The following NXPH1 variants were observed in gnomAD, a reference collection of about 807,000 sequenced individuals.
NXPH1 encodes neurexophilin 1, also known as neurexophilin-1.
In NXPH1, 5 loss-of-function variants were observed where a neutral mutation model predicts 23.7. The observed-to-expected ratio is 0.21, with a 90% CI of 0.11 to 0.44. The LOEUF is 0.44. Ranked by LOEUF, NXPH1 falls within the 20% of genes least tolerant of loss-of-function variation. The pLI is 0.99. For missense variants in NXPH1, 324 were observed against 321.6 expected (o/e 1.01, Z -0.06); for synonymous variants, 144 against 122.2 (o/e 1.18, Z -1.18).
chr7:8,660,185 C>T lies in NXPH1; in HGVS notation c.55-90823C>T, dbSNP rs75924597. ...TTATATAAATTATTTCGTTTTAATT[C>T]TTAAAATTACACTGCCAGATAGGCA... On this transcript the variant is annotated intron_variant, in intron 2 of 2. Coordinates refer to ENST00000405863, the MANE Select transcript of NXPH1 (RefSeq NM_152745.3). Among the ~76,000 whole-genome samples the T allele has an allele frequency of 3.2e-4, 48 of 152,204 alleles. 1 individual carries two copies. The East Asian group carries it at 8.9e-3, about 28-fold the overall frequency.
At chr7:8,672,139 A>G (rs1210618025) in intron 2 of NXPH1, among the ~76,000 whole-genome samples, 5 of 152,192 alleles carry the variant, frequency 3.3e-5, no homozygotes, top group African/African-American at 4.8e-5. Context: ...ATGGAATACT[A>G]TGCAGCCATA....
Position 8,751,367 on chromosome 7 carries a change from T to C in NXPH1, c.414T>C (p.Thr138=). 6.2e-7 allele frequency: 1 copy of C among 1,613,932 alleles called. No individual in the cohort carries two copies. The highest frequency in any genetic ancestry group is 8.5e-7 in the Non-Finnish European group (1 of 1,179,852). The change falls in exon 3 of 3, where the codon ACT becomes ACC. Residue 138 remains threonine (T), a synonymous_variant. Transcript: ENST00000405863. The surrounding 1 kb of genome is among the most constrained non-coding windows in gnomAD (Gnocchi z 4.5). ...IKTVKLNLLI[T]GKIVDHGNGT... ...CAGTGAAGCTGAACCTGTTGATAAC[T>C]GGGAAAATTGTAGATCATGGCAATG... is the stretch of plus-strand genomic sequence containing the variant.
chr7:8,436,348 A>G (rs1041836883), intron 2 of NXPH1, among the ~76,000 whole-genome samples: 3 of 152,282 alleles, frequency 2.0e-5, no homozygotes, highest in East Asian at 3.9e-4. Context: ...AAACATGTCC[A>G]CCTTCCTCTC....
chr7:8,473,299 G>A (rs894520058), intron 2 of NXPH1, among the ~76,000 whole-genome samples: 14 of 152,124 alleles, frequency 9.2e-5, no homozygotes, highest in African/African-American at 3.4e-4. Context: ...ATCTAAGTTA[G>A]TTGTTTCAAT....
chr7:8,722,520 G>A (rs531063797), intron 2 of NXPH1, among the ~76,000 whole-genome samples: 1 of 152,184 alleles, frequency 6.6e-6, no homozygotes, highest in Non-Finnish European at 1.5e-5. Context: ...AAGAGACCCC[G>A]AGGTGTAATT....
chr7:8,607,185 T>G (rs1259897550), intron 2 of NXPH1, among the ~76,000 whole-genome samples: 1 of 152,148 alleles, frequency 6.6e-6, no homozygotes, highest in African/African-American at 2.4e-5. Context: ...TGGAACATTT[T>G]AAATTTAGTA....
chr7:8,559,580 C>T (rs2128620551), intron 2 of NXPH1, among the ~76,000 whole-genome samples: 1 of 151,800 alleles, frequency 6.6e-6, no homozygotes, highest in East Asian at 2.0e-4. Context: ...TTCCCTAAAA[C>T]TTTCAGCGCT....
chr7:8,750,859 C>T, intron 2 of NXPH1, 149 bp from the exon 3 acceptor site: 1 of 702,994 alleles, frequency 1.4e-6, no homozygotes, highest in South Asian at 2.1e-5. Flanking sequence ...GGGCTTAGAT[C>T]TCTGCTTTGG....
chr7:8,618,211 C>A (rs1181229883), intron 2 of NXPH1, among the ~76,000 whole-genome samples: 1 of 152,050 alleles, frequency 6.6e-6, no homozygotes, highest in African/African-American at 2.4e-5. Context: ...ACTTTATGAT[C>A]TGGGCATTTT....
chr7:8,543,280 G>T (rs1818146411), intron 2 of NXPH1, among the ~76,000 whole-genome samples: 1 of 151,376 alleles, frequency 6.6e-6, no homozygotes, highest in African/African-American at 2.4e-5. Flanking sequence ...CTTCCATTTT[G>T]CTTTCCAAAC....
intron 2 of NXPH1, among the ~76,000 whole-genome samples, chr7:8,530,236 C>T (rs1236968213): frequency 1.3e-5 from 2 of 152,070 alleles, no homozygotes; most frequent in South Asian, 2.1e-4. Flanking sequence ...AGACAAACTG[C>T]CCTCAAATAT....
chr7:8,662,076 G>C (rs1241408285), intron 2 of NXPH1, among the ~76,000 whole-genome samples: 1 of 151,750 alleles, frequency 6.6e-6, no homozygotes, highest in Non-Finnish European at 1.5e-5. Context: ...CCAAAAAGTT[G>C]CTCAGGAGCT....
At chr7:8,658,226 T>A (rs114287866) in intron 2 of NXPH1, among the ~76,000 whole-genome samples, 1 of 152,228 alleles carries the variant, frequency 6.6e-6, no homozygotes, top group African/African-American at 2.4e-5. Context: ...TTAACACTTA[T>A]ATATTAATAC....
chr7:8,474,542 C>G (rs973267034), intron 2 of NXPH1, among the ~76,000 whole-genome samples: 5 of 152,140 alleles, frequency 3.3e-5, no homozygotes, highest in African/African-American at 1.2e-4. Flanking sequence ...TAACACATAC[C>G]AAGTACGTAT....
At chr7:8,745,513 T>C (rs552182046) in intron 2 of NXPH1, among the ~76,000 whole-genome samples, 2 of 152,220 alleles carry the variant, frequency 1.3e-5, no homozygotes, top group Middle Eastern at 6.8e-3. Context: ...TAAGTTTTTT[T>C]TTCATTCTTA....
At chr7:8,573,262 A>G (rs893110402) in intron 2 of NXPH1, among the ~76,000 whole-genome samples, 3 of 152,078 alleles carry the variant, frequency 2.0e-5, no homozygotes, top group African/African-American at 7.2e-5. Context: ...ATAATTGTCT[A>G]ACTTTGGGTT....
chr7:8,719,828 A>T (rs1779936568), intron 2 of NXPH1, among the ~76,000 whole-genome samples: 1 of 152,158 alleles, frequency 6.6e-6, no homozygotes, highest in Non-Finnish European at 1.5e-5. Context: ...TTGATTATTA[A>T]TGAGTAAAAA....
At chr7:8,476,983 T>G (rs2128609265) in intron 2 of NXPH1, among the ~76,000 whole-genome samples, 1 of 152,302 alleles carries the variant, frequency 6.6e-6, no homozygotes, top group South Asian at 2.1e-4. Flanking sequence ...TAGCTGGGAA[T>G]CTTATGCCAG....
intron 2 of NXPH1, among the ~76,000 whole-genome samples, chr7:8,748,996 G>A (rs1378063512): frequency 6.6e-6 from 1 of 152,148 alleles, no homozygotes; most frequent in East Asian, 1.9e-4. Flanking sequence ...AAGAGCTTTT[G>A]TTCTAGTTGA....
Sources: allele counts gnomAD v4.1 joint callset (sites outside exome capture counted in the v4.1 genomes callset), GRCh38; gene constraint gnomAD v4.1.1; non-coding constraint Gnocchi (gnomAD v3.1); transcripts MANE v1.5; gene names NCBI Gene and HGNC (gene_info 2026-07-23, HGNC 2026-07-21).